ZNF445: variants seen among roughly 807,000 people sequenced by gnomAD.
ZNF445 encodes zinc finger protein 445.
ZNF445 carries 19 observed loss-of-function variants against 93.9 expected under a neutral mutation model. The observed-to-expected ratio is 0.20, with a 90% CI of 0.14 to 0.30. ZNF445 has a LOEUF of 0.30. Ranked by LOEUF, ZNF445 falls within the 10% of genes least tolerant of loss-of-function variation. ZNF445 has a pLI of 1.00. For synonymous variants in ZNF445, 449 were observed against 446.3 expected, an observed-to-expected ratio of 1.01 and a Z score of -0.08; for missense variants, 1,058 against 1,259.4, an observed-to-expected ratio of 0.84 and a Z score of 2.42.
Position 44,455,616 on chromosome 3 carries a change from G to T in ZNF445, c.-67C>A. The T allele has an allele frequency of 2.8e-6, 4 of 1,452,974 alleles. No individual in the cohort carries two copies. The highest frequency in any genetic ancestry group is 3.7e-6 in the Non-Finnish European group (4 of 1,081,978). The allele number at this position is 1,452,974 out of a possible 1,614,324, so 90.0% of individuals were successfully genotyped here. The stretch of plus-strand genomic sequence containing the variant: ...CCACCTTAGACGTGGGTCCTCAGAA[G>T]TATCTTCTCAGCAGTCAACAATGCC... On this transcript the variant is annotated 5_prime_UTR_variant, in exon 3 of 8. Transcript: ENST00000396077.
Position 44,455,631 on chromosome 3 carries a change from T to G in ZNF445, c.-82A>C. 1 of 1,321,718 alleles carries G rather than the reference T, an allele frequency of 7.6e-7. No homozygotes were observed. Among genetic ancestry groups the G allele is most frequent in the Non-Finnish European group, 1.0e-6 (1 of 973,812 alleles). 81.9% of individuals were successfully genotyped at this position (1,321,718 alleles called of 1,614,324 possible). A position where few individuals can be genotyped will look rare whatever the true frequency, so the allele number is the denominator to read the frequency against. On this transcript the variant is annotated 5_prime_UTR_variant, in exon 3 of 8. Transcript: ENST00000396077. ...GTCCTCAGAAGTATCTTCTCAGCAG[T>G]CAACAATGCCAACATTTGCTGGGAC...
chr3:44,474,406 C>T (rs866920595), intron 1 of ZNF445, among the ~76,000 whole-genome samples: 1 of 151,858 alleles, frequency 6.6e-6, no homozygotes, highest in Non-Finnish European at 1.5e-5. Flanking sequence ...CCCAGCTACT[C>T]GAGAGGCTGA....
At position 44,435,899 on chromosome 3, in the gene ZNF445, G is replaced by A. The variant is rs143944069; in HGVS notation, c.*10676C>T. The A allele has an allele frequency of 3.9e-4, 59 of 152,294 alleles. No homozygotes were observed. The highest frequency in any genetic ancestry group is 1.4e-3 in the African/African-American group (58 of 41,558). 9.4% of individuals were successfully genotyped at this position (152,294 alleles called of 1,614,324 possible). A position where few individuals can be genotyped will look rare whatever the true frequency, so the allele number is the denominator to read the frequency against. ...TTTGAGTCTCCTGTAATTACTGCTA[G>A]TTCAGAACTAGAGGCTGGTTATCCC... On this transcript the variant is annotated 3_prime_UTR_variant, in exon 8 of 8. Transcript: ENST00000396077.
chr3:44,437,954 C>A lies in ZNF445; in HGVS notation c.*8621G>T. The A allele has an allele frequency of 6.5e-6, 1 of 153,036 alleles. No homozygotes were observed. The highest frequency in any genetic ancestry group is 1.8e-4 in the South Asian group (1 of 5,574). The allele number at this position is 153,036 out of a possible 1,614,324, so 9.5% of individuals were successfully genotyped here. A position where few individuals can be genotyped will look rare whatever the true frequency, so the allele number is the denominator to read the frequency against. On this transcript the variant is annotated 3_prime_UTR_variant, in exon 8 of 8. Coordinates refer to ENST00000396077, the MANE Select transcript of ZNF445 (RefSeq NM_181489.6). ...AGAATGCAGGCCAGTAAGTCTCAGC[C>A]TCATTTTCCCAGCCCTCACTCAAAA...
chr3:44,438,526 G>A lies in ZNF445; in HGVS notation c.*8049C>T, dbSNP rs1399773673. The A allele has an allele frequency of 2.0e-5, 3 of 151,986 alleles. No individual in the cohort carries two copies. Among genetic ancestry groups the A allele is most frequent in the African/African-American group, 7.3e-5 (3 of 41,356 alleles). The allele number at this position is 151,986 out of a possible 1,614,324, so 9.4% of individuals were successfully genotyped here. A position where few individuals can be genotyped will look rare whatever the true frequency, so the allele number is the denominator to read the frequency against. On this transcript the variant is annotated 3_prime_UTR_variant, in exon 8 of 8. Coordinates refer to ENST00000396077, the MANE Select transcript of ZNF445 (RefSeq NM_181489.6). ...TTAGCCAGCATGGTCTCGATCTCTTGACCTCGTGATCTGCCCGCCTCAGCC... is the reference window on the plus strand; with the variant it reads ...TTAGCCAGCATGGTCTCGATCTCTTAACCTCGTGATCTGCCCGCCTCAGCC...
rs149352122 is a variant in ZNF445, at chr3:44,470,356, C to CGT, written c.-269+7233_-269+7234dup. Among the ~76,000 whole-genome samples the CGT allele has an allele frequency of 1.4e-3, 210 of 151,918 alleles. 1 individual carries two copies. The highest frequency in any genetic ancestry group is 4.9e-3 in the African/African-American group (202 of 41,446). On this transcript the variant is annotated intron_variant, in intron 1 of 7. Coordinates refer to ENST00000396077, the MANE Select transcript of ZNF445 (RefSeq NM_181489.6). The stretch of plus-strand genomic sequence containing the variant: ...GAATTGTGAAAACAAAACGTACAAC[C>CGT]GTGTGTGTGTGTGACTGTATACGCA...
At chr3:44,460,806 CTCTG>C (rs1397196892) in intron 1 of ZNF445, among the ~76,000 whole-genome samples, 16 of 152,222 alleles carry the variant, frequency 1.1e-4, no homozygotes, top group African/African-American at 2.4e-4. Context: ...GATGAATCAG[CTCTG>C]TCTAAGCAGC....
At chr3:44,455,736 T>C (rs764730084) in intron 2 of ZNF445, 40 bp from the exon 3 acceptor site, 4 of 582,474 alleles carry the variant, frequency 6.9e-6, no homozygotes, top group Non-Finnish European at 1.2e-5. Flanking sequence ...CCATTATACA[T>C]GGTGCAGTTG....
intron 1 of ZNF445, among the ~76,000 whole-genome samples, chr3:44,471,424 T>C (rs1204014933): frequency 1.3e-5 from 2 of 152,174 alleles, no homozygotes; most frequent in East Asian, 1.9e-4. Context: ...GTCTCAGAAC[T>C]TGTTGCAAAG....
intron 3 of ZNF445, 47 bp downstream of exon 3, chr3:44,455,074 A>C (rs374995941): frequency 2.5e-5 from 41 of 1,611,776 alleles, no homozygotes; most frequent in Non-Finnish European, 3.3e-5. Context: ...AAGCTGGCTC[A>C]CTAGCAGGCA....
chr3:44,450,824 G>T, intron 5 of ZNF445, 44 bp downstream of exon 5: 3 of 1,461,786 alleles, frequency 2.1e-6, no homozygotes, highest in Non-Finnish European at 2.7e-6. Context: ...CCATTAGGCA[G>T]CGACGTGGGG....
intron 1 of ZNF445, among the ~76,000 whole-genome samples, chr3:44,471,249 A>C (rs1277269390): frequency 6.6e-6 from 1 of 152,202 alleles, no homozygotes; most frequent in Non-Finnish European, 1.5e-5. Context: ...TTCTTTATCT[A>C]GAAGTAAAAG....
At chr3:44,449,885 T>A (rs1697933449) in intron 6 of ZNF445, among the ~76,000 whole-genome samples, 2 of 152,224 alleles carry the variant, frequency 1.3e-5, no homozygotes, top group Admixed American at 1.3e-4. Flanking sequence ...TCAGCCAACA[T>A]TTTTTGAATG....
Position 44,449,558 on chromosome 3 carries a change from T to C in ZNF445, c.886A>G (p.Met296Val). Residue 296 changes from methionine (M) to valine (V), a missense_variant, in exon 7 of 8, where the codon ATG becomes GTG. Physicochemically the swap from Met to Val is conservative, Grantham distance 21 (BLOSUM62 1). Coordinates refer to ENST00000396077, the MANE Select transcript of ZNF445 (RefSeq NM_181489.6). ...LEAREPWGLN[M>V]QAAQPKGNPV... The stretch of plus-strand genomic sequence containing the variant: ...TTCCCCTTAGGCTGAGCTGCCTGCA[T>C]GTTCAGGCCCCATGGCTCCCTTGCT... 6.2e-7 allele frequency: 1 copy of C among 1,614,178 alleles called. No individual in the cohort carries two copies. Among genetic ancestry groups the C allele is most frequent in the Middle Eastern group, 1.6e-4 (1 of 6,062 alleles).
At chr3:44,460,947 C>A (rs908170767) in intron 1 of ZNF445, among the ~76,000 whole-genome samples, 1 of 152,238 alleles carries the variant, frequency 6.6e-6, no homozygotes, top group Non-Finnish European at 1.5e-5. Context: ...CAAGCAGCCA[C>A]CTAGTTCTTT....
rs917492203 is a variant in ZNF445, at chr3:44,444,212, G to A, written c.*2363C>T. 1 of 152,368 alleles carries A rather than the reference G, an allele frequency of 6.6e-6. No homozygotes were observed. The highest frequency in any genetic ancestry group is 1.5e-5 in the Non-Finnish European group (1 of 68,066). 9.4% of individuals were successfully genotyped at this position (152,368 alleles called of 1,614,324 possible). ...AAGGTATCCTGTGGCAAAGGGAGCA[G>A]AGATGGGGGGAAAGGGGTGCTAAAA... On this transcript the variant is annotated 3_prime_UTR_variant, in exon 8 of 8. Coordinates refer to ENST00000396077, the MANE Select transcript of ZNF445 (RefSeq NM_181489.6).
At position 44,440,789 on chromosome 3, in the gene ZNF445, A is replaced by G. The variant is rs997900576; in HGVS notation, c.*5786T>C. Reference sequence around the variant, plus strand: ...TGCCTATTTTTATGGTTATTTATTGATTATATGCTAAACAAGGGGTAGATT... The same window carrying G: ...TGCCTATTTTTATGGTTATTTATTGGTTATATGCTAAACAAGGGGTAGATT... On this transcript the variant is annotated 3_prime_UTR_variant, in exon 8 of 8. Coordinates refer to ENST00000396077, the MANE Select transcript of ZNF445 (RefSeq NM_181489.6). 2.0e-5 allele frequency: 3 copies of G among 152,236 alleles called. No homozygotes were observed. The highest frequency in any genetic ancestry group is 7.2e-5 in the African/African-American group (3 of 41,462). 9.4% of individuals were successfully genotyped at this position (152,236 alleles called of 1,614,324 possible). A position where few individuals can be genotyped will look rare whatever the true frequency, so the allele number is the denominator to read the frequency against.
At chr3:44,450,053 G>C in intron 6 of ZNF445, 1 of 293,516 alleles carries the variant, frequency 3.4e-6, no homozygotes, top group Non-Finnish European at 6.6e-6. Flanking sequence ...CAATTCTCCA[G>C]CCTCGGCTTC....
At chr3:44,459,046 A>C (rs1043653865) in intron 1 of ZNF445, among the ~76,000 whole-genome samples, 1 of 152,224 alleles carries the variant, frequency 6.6e-6, no homozygotes, top group African/African-American at 2.4e-5. Context: ...TGGGGTAAAG[A>C]GAGCTATGGA....
Sources: gnomAD v4.1 joint callset for allele counts (sites outside exome capture counted in the v4.1 genomes callset) on GRCh38, gnomAD v4.1.1 for gene constraint, MANE v1.5 for transcripts, NCBI Gene and HGNC (gene_info 2026-07-23, HGNC 2026-07-21) for gene names.